The following LINGO2 variants were observed in gnomAD, a reference collection of about 807,000 sequenced individuals.
LINGO2 encodes the protein leucine-rich repeat and immunoglobulin-like domain-containing nogo receptor-interacting protein 2.
Under a neutral mutation model 30.6 loss-of-function variants are expected in LINGO2, and 14 were observed. That is an observed-to-expected ratio of 0.46 (90% CI 0.30 to 0.72). The LOEUF is 0.72. Ranked by LOEUF, LINGO2 falls within the 30% of genes least tolerant of loss-of-function variation. The pLI, the probability that LINGO2 is intolerant of heterozygous loss-of-function variation, is 0.07. For missense variants in LINGO2, 729 were observed against 751.7 expected (o/e 0.97, Z 0.35); for synonymous variants, 317 against 288.5 (o/e 1.10, Z -1.00).
Position 28,100,468 on chromosome 9 carries a change from A to G in LINGO2, c.-86-88063T>C, listed in dbSNP as rs140918992. 4.2e-3 allele frequency among the ~76,000 whole-genome samples: 641 copies of G among 152,312 alleles called. 9 individuals are homozygous for G. The highest frequency in any genetic ancestry group is 0.015 in the African/African-American group (610 of 41,586). On this transcript the variant is annotated intron_variant, in intron 4 of 5. Coordinates refer to ENST00000379992, the Ensembl canonical transcript of LINGO2. ...TGGAGATTTGAACAATGTTATGTGA[A>G]GTAGAGAGAAATGAACACATGCTGA...
the LINGO2 span, among the ~76,000 whole-genome samples, chr9:29,001,058 T>C: frequency 1.3e-5 from 2 of 151,066 alleles, no homozygotes; most frequent in Non-Finnish European, 3.0e-5. Context: ...GAGCAATCAT[T>C]GTTCAGTAAA....
At chr9:28,100,782 C>T (rs569586540) in intron 4 of LINGO2, among the ~76,000 whole-genome samples, 3 of 152,270 alleles carry the variant, frequency 2.0e-5, no homozygotes, top group Admixed American at 2.0e-4. Flanking sequence ...CAACTTCTAT[C>T]CCACAAAATC....
At chr9:28,073,487 T>G (rs1213218042) in intron 4 of LINGO2, among the ~76,000 whole-genome samples, 1 of 152,198 alleles carries the variant, frequency 6.6e-6, no homozygotes, top group Non-Finnish European at 1.5e-5. Flanking sequence ...TCCATAACTA[T>G]GACTTCTTAG....
At chr9:28,552,001 G>C (rs571725327) in intron 1 of LINGO2, among the ~76,000 whole-genome samples, 2 of 151,742 alleles carry the variant, frequency 1.3e-5, no homozygotes, top group East Asian at 3.9e-4. Context: ...TTTATTGTAC[G>C]ATTTTTAAAT....
the LINGO2 span, among the ~76,000 whole-genome samples, chr9:28,727,287 T>C: frequency 1.3e-5 from 2 of 151,736 alleles, no homozygotes; most frequent in East Asian, 3.9e-4. Context: ...TTAAAAATCC[T>C]TCTTTTTTTT....
At chr9:28,003,352 TAG>T (rs1822067945) in intron 5 of LINGO2, among the ~76,000 whole-genome samples, 2 of 123,322 alleles carry the variant, frequency 1.6e-5, no homozygotes, top group African/African-American at 7.4e-5. Flanking sequence ...TATAGATAGA[TAG>T]ATAGATAGAT....
At chr9:28,960,380 G>A in the LINGO2 span, among the ~76,000 whole-genome samples, 45 of 151,742 alleles carry the variant, frequency 3.0e-4, no homozygotes, top group Non-Finnish European at 5.7e-4. Context: ...GGCACCTGCA[G>A]TTCCAGCTAC....
intron 4 of LINGO2, among the ~76,000 whole-genome samples, chr9:28,229,230 T>G (rs1186554833): frequency 1.3e-5 from 2 of 151,882 alleles, no homozygotes; most frequent in Non-Finnish European, 3.0e-5. Flanking sequence ...TTATATTTTG[T>G]TCTTATTTCA....
At chr9:28,668,801 A>C (rs1828904309) in intron 1 of LINGO2, among the ~76,000 whole-genome samples, 1 of 152,114 alleles carries the variant, frequency 6.6e-6, no homozygotes, top group African/African-American at 2.4e-5. Context: ...AGTGCCATTA[A>C]ATGTTCTTTT....
the LINGO2 span, among the ~76,000 whole-genome samples, chr9:28,793,321 T>A: frequency 2.0e-5 from 3 of 152,354 alleles, no homozygotes; most frequent in Admixed American, 2.0e-4. Context: ...AAAGATCTAA[T>A]AGACCAAAGC....
At chr9:28,100,231 T>A (rs1484353714) in intron 4 of LINGO2, among the ~76,000 whole-genome samples, 2 of 152,154 alleles carry the variant, frequency 1.3e-5, no homozygotes, top group Admixed American at 6.6e-5. Flanking sequence ...AGAGTCCCCA[T>A]GAAAGCTTCT....
intron 4 of LINGO2, among the ~76,000 whole-genome samples, chr9:28,251,262 C>G (rs1822189090): frequency 6.6e-6 from 1 of 152,090 alleles, no homozygotes; most frequent in Non-Finnish European, 1.5e-5. Flanking sequence ...CAGAAGCTAT[C>G]TTTGAAATGT....
intron 2 of LINGO2, among the ~76,000 whole-genome samples, chr9:28,442,463 GTTAA>G (rs1367089304): frequency 6.6e-6 from 1 of 151,986 alleles, no homozygotes; most frequent in Non-Finnish European, 1.5e-5. Context: ...ATTATAATTT[GTTAA>G]TTAAAGAATA....
intron 2 of LINGO2, among the ~76,000 whole-genome samples, chr9:28,412,454 T>A (rs1016182580): frequency 1.3e-5 from 2 of 152,150 alleles, no homozygotes; most frequent in East Asian, 1.9e-4. Context: ...TTAAAAAACA[T>A]GCAAATTGAA....
the LINGO2 span, among the ~76,000 whole-genome samples, chr9:29,079,507 T>G: frequency 5.3e-5 from 8 of 152,144 alleles, no homozygotes; most frequent in South Asian, 1.7e-3. Context: ...AAGGGTATCA[T>G]GAAACTCTGA....
the LINGO2 span, among the ~76,000 whole-genome samples, chr9:28,914,306 T>G: frequency 6.6e-6 from 1 of 152,170 alleles, no homozygotes; most frequent in Non-Finnish European, 1.5e-5. Context: ...GTATCTTTCT[T>G]TTGGCCAAAA....
rs888205196 is a variant in LINGO2 at position 27,971,336 on chromosome 9, T to C, written c.-35-20630A>G. On this transcript the variant is annotated intron_variant, in intron 5 of 5. Coordinates refer to ENST00000379992, the Ensembl canonical transcript of LINGO2. ...AAGTCTTAAGGTGGCCAACATATTA[T>C]AAAATGAACATACTGCACATCCGCA... Among the ~76,000 whole-genome samples the C allele has an allele frequency of 2.6e-5, 4 of 152,130 alleles. No individual in the cohort carries two copies. In the South Asian group the frequency reaches 8.3e-4, roughly 32 times the overall value.
chr9:28,299,406 G>T (rs533679523), intron 3 of LINGO2, among the ~76,000 whole-genome samples: 99 of 151,868 alleles, frequency 6.5e-4, no homozygotes, highest in African/African-American at 2.3e-3. Flanking sequence ...TTAGGGAAAG[G>T]GTAGGTTTGG....
At chr9:27,973,330 T>C (rs1820441703) in intron 5 of LINGO2, among the ~76,000 whole-genome samples, 1 of 152,150 alleles carries the variant, frequency 6.6e-6, no homozygotes, top group Non-Finnish European at 1.5e-5. Context: ...AGAATATTTG[T>C]TCTGATTCAT....
Sources: gnomAD v4.1 joint callset for allele counts (sites outside exome capture counted in the v4.1 genomes callset) on GRCh38, gnomAD v4.1.1 for gene constraint, MANE v1.5 for transcripts, NCBI Gene and HGNC (gene_info 2026-07-23, HGNC 2026-07-21) for gene names.